SLC24A2: variants seen among roughly 807,000 people sequenced by gnomAD.
The protein encoded by SLC24A2 is sodium/potassium/calcium exchanger 2.
Under a neutral mutation model 62.0 loss-of-function variants are expected in SLC24A2, and 36 were observed. That is an observed-to-expected ratio of 0.58 (90% CI 0.44 to 0.77). SLC24A2 has a LOEUF of 0.77. Ranked by LOEUF, SLC24A2 falls within the 30% of genes least tolerant of loss-of-function variation. SLC24A2 has a pLI of 0.00. For synonymous variants in SLC24A2, 358 were observed against 294.0 expected (o/e 1.22, Z -2.23); for missense variants, 846 against 817.9 (o/e 1.03, Z -0.42).
At chr9:19,982,072 G>A in the SLC24A2 span, among the ~76,000 whole-genome samples, 1 of 152,126 alleles carries the variant, frequency 6.6e-6, no homozygotes, top group African/African-American at 2.4e-5. Flanking sequence ...AGTGAATAAT[G>A]CAAAGGTGTG....
At chr9:19,518,357 T>A (rs1833034060) in intron 10 of SLC24A2, among the ~76,000 whole-genome samples, 1 of 152,126 alleles carries the variant, frequency 6.6e-6, no homozygotes, top group Non-Finnish European at 1.5e-5. Context: ...TACACAAGAA[T>A]TTCAAAAGGT....
chr9:20,097,819 T>C, the SLC24A2 span, among the ~76,000 whole-genome samples: 5 of 129,548 alleles, frequency 3.9e-5, no homozygotes, highest in African/African-American at 1.4e-4. Flanking sequence ...CTCGACTCAC[T>C]GCAAGCTCCG....
At chr9:19,963,295 G>T in the SLC24A2 span, among the ~76,000 whole-genome samples, 6 of 149,702 alleles carry the variant, frequency 4.0e-5, no homozygotes, top group South Asian at 1.3e-3. Context: ...TACCATTCAG[G>T]ACATAGGCAT....
chr9:19,696,701 T>A (rs1464789923), intron 2 of SLC24A2, among the ~76,000 whole-genome samples: 1 of 152,188 alleles, frequency 6.6e-6, no homozygotes, highest in South Asian at 2.1e-4. Flanking sequence ...GAAAAAGCAA[T>A]GTCTCATTCA....
At chr9:20,046,751 C>T in the SLC24A2 span, among the ~76,000 whole-genome samples, 2 of 152,152 alleles carry the variant, frequency 1.3e-5, no homozygotes, top group Admixed American at 6.5e-5. Flanking sequence ...CACAGTGGCC[C>T]TTACTCATCT....
At chr9:19,928,141 T>A in the SLC24A2 span, 1 of 152,392 alleles carries the variant, frequency 6.6e-6, no homozygotes, top group Non-Finnish European at 1.5e-5. Flanking sequence ...TGGAAGACTC[T>A]CAGAGGCCTG....
the SLC24A2 span, among the ~76,000 whole-genome samples, chr9:19,850,974 T>TATAC: frequency 4.3e-5 from 2 of 46,902 alleles, no homozygotes; most frequent in African/African-American, 9.7e-5. Flanking sequence ...TATGTATATA[T>TATAC]ATATATATAT....
chr9:19,635,421 G>C (rs1297743497), intron 2 of SLC24A2, among the ~76,000 whole-genome samples: 2 of 152,174 alleles, frequency 1.3e-5, no homozygotes, highest in Admixed American at 6.5e-5. Context: ...ATTGCCCAGA[G>C]AGGATCTTAA....
the SLC24A2 span, among the ~76,000 whole-genome samples, chr9:19,860,093 A>G: frequency 3.3e-5 from 5 of 152,122 alleles, no homozygotes; most frequent in Admixed American, 2.0e-4. Flanking sequence ...GGAGCATGTG[A>G]CCTACTGAGA....
the SLC24A2 span, among the ~76,000 whole-genome samples, chr9:19,996,247 T>A: frequency 1.3e-5 from 2 of 152,172 alleles, no homozygotes; most frequent in African/African-American, 2.4e-5. Flanking sequence ...CTTCACCAAC[T>A]TTTCTATTCT....
intron 2 of SLC24A2, among the ~76,000 whole-genome samples, chr9:19,734,959 T>G (rs1316125316): frequency 6.6e-6 from 1 of 151,978 alleles, no homozygotes; most frequent in East Asian, 1.9e-4. Flanking sequence ...GGCAAGGACT[T>G]CATGTCTAAA....
the SLC24A2 span, among the ~76,000 whole-genome samples, chr9:19,820,515 A>G: frequency 5.3e-5 from 8 of 151,616 alleles, no homozygotes; most frequent in Non-Finnish European, 1.2e-4. Flanking sequence ...CCAAAAACCT[A>G]TGGAAATAAA....
At position 19,608,076 on chromosome 9, in the gene SLC24A2, A is replaced by G. The variant is rs547060599; in HGVS notation, c.1079-10797T>C. ...ATTGATACTACTGTCATATTAGTAG[A>G]CCACGGCCAGTAGATTGGATTTTAT... On this transcript the variant is annotated intron_variant, in intron 4 of 10. Transcript: ENST00000341998. Among the ~76,000 whole-genome samples, 3 of 152,334 alleles carry G rather than the reference A, an allele frequency of 2.0e-5. No individual in the cohort carries two copies. The South Asian group carries it at 6.2e-4, about 32-fold the overall frequency.
the SLC24A2 span, among the ~76,000 whole-genome samples, chr9:19,997,108 C>T: frequency 3.5e-3 from 532 of 151,754 alleles, 5 homozygotes; most frequent in African/African-American, 0.011. Context: ...AGAATAATTA[C>T]GAGAGAGAGC....
chr9:19,616,037 C>G (rs187669521), intron 4 of SLC24A2, among the ~76,000 whole-genome samples: 42 of 139,344 alleles, frequency 3.0e-4, no homozygotes, highest in African/African-American at 9.9e-4. Flanking sequence ...CACACACACA[C>G]AGTTGCATAT....
the SLC24A2 span, among the ~76,000 whole-genome samples, chr9:20,216,645 C>T: frequency 6.6e-6 from 1 of 152,172 alleles, no homozygotes; most frequent in African/African-American, 2.4e-5. Context: ...TCCAGTGTCT[C>T]ATTTTTGGTA....
At chr9:20,012,780 T>C in the SLC24A2 span, among the ~76,000 whole-genome samples, 8 of 152,324 alleles carry the variant, frequency 5.3e-5, no homozygotes, top group East Asian at 5.8e-4. Flanking sequence ...ACATTTATTC[T>C]TTATACTTTA....
At position 19,788,912 on chromosome 9, in the gene SLC24A2, G is replaced by A. The variant is rs957844562; in HGVS notation, c.-181C>T. ...GGATAAGATGGGAGGACGCGCACACGGCGGGGCCCCCGAGCGCGGCCCGCC... is the reference window on the plus strand; with the variant it reads ...GGATAAGATGGGAGGACGCGCACACAGCGGGGCCCCCGAGCGCGGCCCGCC... On this transcript the variant is annotated 5_prime_UTR_variant, in exon 1 of 11. Coordinates refer to ENST00000341998, the MANE Select transcript of SLC24A2 (RefSeq NM_020344.4). 5.1e-6 allele frequency: 5 copies of A among 985,234 alleles called. No homozygotes were observed. Among genetic ancestry groups the A allele is most frequent in the Non-Finnish European group, 6.0e-6 (5 of 829,890 alleles). 61.0% of individuals were successfully genotyped at this position (985,234 alleles called of 1,614,324 possible). A position where few individuals can be genotyped will look rare whatever the true frequency, so the allele number is the denominator to read the frequency against.
the SLC24A2 span, among the ~76,000 whole-genome samples, chr9:20,217,331 A>G: frequency 6.6e-6 from 1 of 152,200 alleles, no homozygotes; most frequent in South Asian, 2.1e-4. Context: ...GTGATCAGAA[A>G]GAGGTTACAA....
Sources: allele counts gnomAD v4.1 joint callset (sites outside exome capture counted in the v4.1 genomes callset), GRCh38; gene constraint gnomAD v4.1.1; transcripts MANE v1.5; gene names NCBI Gene and HGNC (gene_info 2026-07-23, HGNC 2026-07-21).